Variants in ZNF804A observed in about 807,000 individuals in gnomAD.
ZNF804A encodes zinc finger protein 804A.
A neutral mutation model predicts 16.5 loss-of-function variants in ZNF804A; 2 were observed. The observed-to-expected ratio is 0.12, with a 90% CI of 0.05 to 0.38. The LOEUF is 0.38. ZNF804A is among the 10% of genes least tolerant of loss of function. ZNF804A has a pLI of 0.99. For missense variants in ZNF804A, 1,473 were observed against 1,390.7 expected (o/e 1.06, Z -0.94); for synonymous variants, 534 against 489.6 (o/e 1.09, Z -1.20).
At chr2:184,880,008 A>C (rs952367076) in intron 2 of ZNF804A, among the ~76,000 whole-genome samples, 1 of 151,990 alleles carries the variant, frequency 6.6e-6, no homozygotes. Context: ...TAGCAATTAC[A>C]TGTTACTGAG....
chr2:184,760,855 A>G (rs10179499), intron 1 of ZNF804A, among the ~76,000 whole-genome samples: 148,534 of 152,246 alleles, frequency 0.98, 72,535 homozygotes, highest in Non-Finnish European at 1. Flanking sequence ...AAACTCCAAG[A>G]CCTCATAAAA....
chr2:184,827,029 T>C (rs1448872706), intron 1 of ZNF804A, among the ~76,000 whole-genome samples: 1 of 151,960 alleles, frequency 6.6e-6, no homozygotes, highest in East Asian at 1.9e-4. Flanking sequence ...CACTCAAAAT[T>C]CAATCAATTC....
At chr2:184,682,503 T>C (rs1692558850) in intron 1 of ZNF804A, among the ~76,000 whole-genome samples, 1 of 152,100 alleles carries the variant, frequency 6.6e-6, no homozygotes, top group African/African-American at 2.4e-5. Flanking sequence ...GAGAATTAAT[T>C]CATGTGGTAG....
At chr2:184,897,606 T>G (rs1685108402) in intron 2 of ZNF804A, among the ~76,000 whole-genome samples, 1 of 152,120 alleles carries the variant, frequency 6.6e-6, no homozygotes. Context: ...ATTGTCTTCC[T>G]AGGGAATTTG....
At chr2:184,811,759 A>G (rs1471313099) in intron 1 of ZNF804A, among the ~76,000 whole-genome samples, 2 of 152,206 alleles carry the variant, frequency 1.3e-5, no homozygotes, top group Non-Finnish European at 2.9e-5. Flanking sequence ...ATAAGTCATC[A>G]AAATTTAGTG....
intron 2 of ZNF804A, among the ~76,000 whole-genome samples, chr2:184,870,540 T>G (rs893764449): frequency 6.6e-6 from 1 of 152,058 alleles, no homozygotes; most frequent in African/African-American, 2.4e-5. Context: ...AACTCAAATA[T>G]ATAGAAACTG....
intron 1 of ZNF804A, among the ~76,000 whole-genome samples, chr2:184,683,960 G>C (rs1435457437): frequency 1.3e-5 from 2 of 152,082 alleles, no homozygotes; most frequent in Non-Finnish European, 2.9e-5. Flanking sequence ...TCTGTTTTAT[G>C]TTTTATTTGG....
At chr2:184,797,155 T>C (rs1018566493) in intron 1 of ZNF804A, among the ~76,000 whole-genome samples, 1 of 152,146 alleles carries the variant, frequency 6.6e-6, no homozygotes, top group Non-Finnish European at 1.5e-5. Flanking sequence ...TGTTCCAAGG[T>C]ATAGTTTAAA....
intron 1 of ZNF804A, among the ~76,000 whole-genome samples, chr2:184,705,632 T>G (rs1407707722): frequency 1.3e-5 from 2 of 152,172 alleles, no homozygotes; most frequent in Non-Finnish European, 2.9e-5. Flanking sequence ...CCCTGAAGTG[T>G]ACGTTTGTGC....
At chr2:184,839,959 G>T (rs541221085) in intron 1 of ZNF804A, among the ~76,000 whole-genome samples, 16 of 152,208 alleles carry the variant, frequency 1.1e-4, no homozygotes, top group Admixed American at 4.6e-4. Context: ...AGGTGTCCAT[G>T]AACTTAATAT....
In ZNF804A at chr2:184,692,435, A is replaced by G. The variant is rs543105975; in HGVS notation, c.111+93365A>G. On this transcript the variant is annotated intron_variant, in intron 1 of 3. Transcript: ENST00000302277. ...CTATTTGGCCTTCACTGTGAGCACA[A>G]AGACAAGAAATTATCCAGTGGAAAT... Among the ~76,000 whole-genome samples, 4 of 152,328 alleles carry G rather than the reference A, an allele frequency of 2.6e-5. No homozygotes were observed. In the East Asian group the frequency reaches 7.7e-4, roughly 29 times the overall value.
chr2:184,817,288 A>G (rs1361943963), intron 1 of ZNF804A, among the ~76,000 whole-genome samples: 1 of 151,924 alleles, frequency 6.6e-6, no homozygotes, highest in Non-Finnish European at 1.5e-5. Context: ...GTGATCCCCC[A>G]GCAAACTACA....
intron 2 of ZNF804A, among the ~76,000 whole-genome samples, chr2:184,870,285 T>C (rs1311220827): frequency 6.6e-6 from 1 of 152,058 alleles, no homozygotes; most frequent in Non-Finnish European, 1.5e-5. Context: ...TGGAAAATGA[T>C]GAATATGACA....
intron 1 of ZNF804A, among the ~76,000 whole-genome samples, chr2:184,740,181 AT>A (rs1693691878): frequency 6.6e-6 from 1 of 152,136 alleles, no homozygotes; most frequent in East Asian, 1.9e-4. Context: ...GGAATTTCAT[AT>A]TTTTTGTATA....
intron 2 of ZNF804A, among the ~76,000 whole-genome samples, chr2:184,892,858 T>C (rs1482259674): frequency 6.6e-6 from 1 of 152,188 alleles, no homozygotes; most frequent in Non-Finnish European, 1.5e-5. Flanking sequence ...TAAGGGTGTT[T>C]TAATTCTGCC....
chr2:184,868,763 G>A (rs571472481), intron 2 of ZNF804A, among the ~76,000 whole-genome samples: 53 of 152,008 alleles, frequency 3.5e-4, no homozygotes, highest in Non-Finnish European at 7.4e-4. Flanking sequence ...CTGTCCTTGA[G>A]TTTTGAGAGA....
At chr2:184,749,125 A>G (rs988344141) in intron 1 of ZNF804A, among the ~76,000 whole-genome samples, 2 of 151,274 alleles carry the variant, frequency 1.3e-5, no homozygotes, top group African/African-American at 4.8e-5. Flanking sequence ...TTTGTGAGGA[A>G]TTATATGGGT....
intron 1 of ZNF804A, among the ~76,000 whole-genome samples, chr2:184,783,765 T>G (rs1047394229): frequency 1.3e-5 from 2 of 151,968 alleles, no homozygotes; most frequent in African/African-American, 4.8e-5. Flanking sequence ...AAGTCGTTGT[T>G]ATCTCACTGA....
chr2:184,726,058 A>G (rs1198372823), intron 1 of ZNF804A, among the ~76,000 whole-genome samples: 2 of 151,830 alleles, frequency 1.3e-5, no homozygotes, highest in Non-Finnish European at 3.0e-5. Flanking sequence ...GGTTGTTTCC[A>G]GTTTGGGGCT....
Sources: allele counts gnomAD v4.1 joint callset (sites outside exome capture counted in the v4.1 genomes callset), GRCh38; gene constraint gnomAD v4.1.1; transcripts MANE v1.5; gene names NCBI Gene and HGNC (gene_info 2026-07-23, HGNC 2026-07-21).